RHOBTB1: variants seen among roughly 807,000 people sequenced by gnomAD.
RHOBTB1 encodes the protein rho-related BTB domain-containing protein 1.
A neutral mutation model predicts 71.6 loss-of-function variants in RHOBTB1; 40 were observed. That is an observed-to-expected ratio of 0.56 (90% CI 0.43 to 0.73). The LOEUF is 0.73. RHOBTB1 is among the 30% of genes least tolerant of loss of function. The pLI, the probability that RHOBTB1 is intolerant of heterozygous loss-of-function variation, is 0.00. For synonymous variants in RHOBTB1, 319 were observed against 334.9 expected (o/e 0.95, Z 0.52); for missense variants, 797 against 894.0 (o/e 0.89, Z 1.38).
intron 2 of RHOBTB1, among the ~76,000 whole-genome samples, chr10:60,955,655 G>C (rs2085565258): frequency 6.6e-6 from 1 of 152,154 alleles, no homozygotes; most frequent in Admixed American, 6.6e-5. Context: ...GGGTAGCAGA[G>C]AGGCAGCTGA....
chr10:60,872,294 C>A lies in RHOBTB1; in HGVS notation c.1816-4G>T. ...CCAACTGGTGGGCATTGTGAAACTG[C>A]AGAAAAGTGAGCAAAAGGAGGGTAA... On this transcript the variant is annotated splice_polypyrimidine_tract_variant and splice_region_variant and intron_variant, in intron 9 of 10. Transcript: ENST00000337910. The A allele has an allele frequency of 6.2e-7, 1 of 1,610,090 alleles. No homozygotes were observed. The highest frequency in any genetic ancestry group is 1.3e-5 in the African/African-American group (1 of 74,916).
intron 4 of RHOBTB1, among the ~76,000 whole-genome samples, chr10:60,903,027 A>G (rs2082485584): frequency 6.6e-6 from 1 of 152,218 alleles, no homozygotes; most frequent in Non-Finnish European, 1.5e-5. Context: ...CAATACAGTT[A>G]TTGCTACGAT....
At chr10:60,933,627 G>A (rs1347554720) in intron 2 of RHOBTB1, among the ~76,000 whole-genome samples, 1 of 152,052 alleles carries the variant, frequency 6.6e-6, no homozygotes, top group Non-Finnish European at 1.5e-5. Flanking sequence ...GGCTGAGGCA[G>A]GAGGCGGAGG....
At chr10:60,920,001 C>T (rs2083467645) in intron 2 of RHOBTB1, among the ~76,000 whole-genome samples, 1 of 152,186 alleles carries the variant, frequency 6.6e-6, no homozygotes. Context: ...TTCAAAACCA[C>T]CATAAGTGAA....
At chr10:60,958,359 T>A (rs898784101) in intron 2 of RHOBTB1, among the ~76,000 whole-genome samples, 1 of 152,168 alleles carries the variant, frequency 6.6e-6, no homozygotes, top group Non-Finnish European at 1.5e-5. Context: ...CAAAAGGAAC[T>A]TGACAGATTT....
chr10:60,970,434 G>A (rs1437780942), intron 2 of RHOBTB1, among the ~76,000 whole-genome samples: 1 of 151,782 alleles, frequency 6.6e-6, no homozygotes, highest in African/African-American at 2.4e-5. Flanking sequence ...TTCCTTTTTA[G>A]TTCCTTAGAT....
chr10:60,887,387 G>T (rs2081637719), intron 6 of RHOBTB1, among the ~76,000 whole-genome samples: 1 of 152,172 alleles, frequency 6.6e-6, no homozygotes, highest in Admixed American at 6.5e-5. Context: ...CATATAAATA[G>T]AAGTCAGGAA....
chr10:60,884,600 G>A (rs2081480676), intron 7 of RHOBTB1, among the ~76,000 whole-genome samples: 2 of 152,092 alleles, frequency 1.3e-5, no homozygotes, highest in African/African-American at 4.8e-5. Flanking sequence ...TCCATCAACA[G>A]ATGGATGAAT....
At chr10:60,910,375 C>T (rs182494527) in intron 4 of RHOBTB1, among the ~76,000 whole-genome samples, 11 of 152,168 alleles carry the variant, frequency 7.2e-5, no homozygotes, top group African/African-American at 9.6e-5. Context: ...ATATGTCTTG[C>T]GAAGGACTTT....
intron 1 of RHOBTB1, among the ~76,000 whole-genome samples, chr10:60,994,401 G>A (rs747574035): frequency 1.3e-5 from 2 of 152,174 alleles, no homozygotes; most frequent in African/African-American, 2.4e-5. Flanking sequence ...TCTGGGCCAA[G>A]CACCATCTGA....
At chr10:60,903,509 G>A (rs371256415) in intron 4 of RHOBTB1, among the ~76,000 whole-genome samples, 2 of 152,154 alleles carry the variant, frequency 1.3e-5, no homozygotes, top group Non-Finnish European at 2.9e-5. Flanking sequence ...GTTCCAGAAC[G>A]AACCAGCTAC....
upstream of RHOBTB1, among the ~76,000 whole-genome samples, chr10:60,947,857 C>A (rs2085288621): frequency 6.6e-6 from 1 of 152,112 alleles, no homozygotes; most frequent in Admixed American, 6.5e-5. Flanking sequence ...CTGAAGAATG[C>A]AATTGCTAGG....
At chr10:60,999,841 C>A (rs2087194951) in intron 1 of RHOBTB1, among the ~76,000 whole-genome samples, 1 of 152,206 alleles carries the variant, frequency 6.6e-6, no homozygotes, top group African/African-American at 2.4e-5. Flanking sequence ...CCCTCTTCAC[C>A]CAACCGTAAG....
At chr10:60,971,493 T>C (rs1300081966) in intron 2 of RHOBTB1, among the ~76,000 whole-genome samples, 2 of 152,168 alleles carry the variant, frequency 1.3e-5, no homozygotes, top group Non-Finnish European at 2.9e-5. Context: ...GCTAGCCATA[T>C]GCAGAAAACT....
At position 60,910,973 on chromosome 10, in the gene RHOBTB1, C is replaced by A; in HGVS notation, c.210G>T (p.Arg70=). ...AAACACTCACTTCATCAACAACATC[C>A]CGAGAACGCTCCAAGACCTGCAGGA... The part of the protein sequence containing the change: ...RVCQEVLERS[R]DVVDEVSVSL... Residue 70 remains arginine (R), a synonymous_variant, in exon 4 of 11, where the codon CGG becomes CGT. Transcript: ENST00000337910. 6.2e-7 allele frequency: 1 copy of A among 1,613,906 alleles called. No homozygotes were observed. The highest frequency in any genetic ancestry group is 8.5e-7 in the Non-Finnish European group (1 of 1,179,926).
At chr10:60,903,051 G>T (rs2082486800) in intron 4 of RHOBTB1, among the ~76,000 whole-genome samples, 1 of 152,224 alleles carries the variant, frequency 6.6e-6, no homozygotes, top group African/African-American at 2.4e-5. Context: ...GATTTGCAAA[G>T]CTGTCCTATG....
chr10:60,979,297 A>G (rs2134777373), intron 2 of RHOBTB1, among the ~76,000 whole-genome samples: 1 of 152,254 alleles, frequency 6.6e-6, no homozygotes, highest in South Asian at 2.1e-4. Context: ...CATTTTGGTG[A>G]TAACAGTGTC....
At chr10:60,913,784 C>T (rs763280439) in intron 2 of RHOBTB1, among the ~76,000 whole-genome samples, 96 of 152,286 alleles carry the variant, frequency 6.3e-4, no homozygotes, top group Non-Finnish European at 9.7e-4. Flanking sequence ...GAGTTTGAAT[C>T]CTAGCTCCCC....
chr10:60,955,122 G>A (rs1233582039), intron 2 of RHOBTB1, among the ~76,000 whole-genome samples: 2 of 139,636 alleles, frequency 1.4e-5, no homozygotes, highest in East Asian at 4.3e-4. Context: ...TCTGCTTACT[G>A]CAACCTCCAC....
Sources: gnomAD v4.1 joint callset for allele counts (sites outside exome capture counted in the v4.1 genomes callset) on GRCh38, gnomAD v4.1.1 for gene constraint, MANE v1.5 for transcripts, NCBI Gene and HGNC (gene_info 2026-07-23, HGNC 2026-07-21) for gene names.